Variants in CYFIP1 observed in about 807,000 individuals in gnomAD.
The protein encoded by CYFIP1 is cytoplasmic FMR1-interacting protein 1.
A neutral mutation model predicts 163.5 loss-of-function variants in CYFIP1; 58 were observed. The observed-to-expected ratio is 0.35, with a 90% CI of 0.29 to 0.44. CYFIP1 has a LOEUF of 0.44. CYFIP1 is among the 20% of genes least tolerant of loss of function. The pLI is 1.00. For synonymous variants in CYFIP1, 663 were observed against 660.7 expected, an observed-to-expected ratio of 1.00 and a Z score of -0.05; for missense variants, 1,338 against 1,653.8, an observed-to-expected ratio of 0.81 and a Z score of 3.31.
chr15:22,894,607 C>T (rs1487042376), intron 22 of CYFIP1, among the ~76,000 whole-genome samples: 3 of 151,680 alleles, frequency 2.0e-5, no homozygotes, highest in Admixed American at 2.0e-4. Context: ...GGCTTTACTA[C>T]TATGTCTGCT....
intron 1 of CYFIP1, among the ~76,000 whole-genome samples, chr15:22,949,228 C>A (rs552786417): frequency 6.6e-6 from 1 of 151,414 alleles, no homozygotes; most frequent in Non-Finnish European, 1.5e-5. Context: ...GGATTCCCCC[C>A]GGGGACCAGG....
chr15:22,971,398 C>T (rs113851342), intron 1 of CYFIP1, among the ~76,000 whole-genome samples: 162 of 152,124 alleles, frequency 1.1e-3, no homozygotes, highest in African/African-American at 3.8e-3. Context: ...TAAGGCTGGG[C>T]GTGATGGCTC....
At chr15:22,930,220 A>C (rs28667366) in intron 11 of CYFIP1, among the ~76,000 whole-genome samples, 50,991 of 150,252 alleles carry the variant, frequency 0.34, 9,258 homozygotes, top group East Asian at 0.48. Flanking sequence ...ACAAAAAAAA[A>C]CACAAAAAAA....
intron 6 of CYFIP1, 101 bp from the exon 7 acceptor site, chr15:22,939,608 C>T: frequency 1.1e-6 from 1 of 916,378 alleles, no homozygotes; most frequent in Non-Finnish European, 1.6e-6. Context: ...ATCCCTTTCC[C>T]CTACAGTCAT....
chr15:22,878,535 C>G (rs1486226450), intron 26 of CYFIP1, among the ~76,000 whole-genome samples: 1 of 151,850 alleles, frequency 6.6e-6, no homozygotes, highest in Admixed American at 6.6e-5. Flanking sequence ...AAGACCAACT[C>G]CAGAAGGATT....
intron 16 of CYFIP1, 100 bp from the exon 17 acceptor site, chr15:22,914,982 C>T (rs1411366915): frequency 1.7e-5 from 22 of 1,278,076 alleles, no homozygotes; most frequent in Middle Eastern, 2.3e-4. Context: ...TGCTCCTCCT[C>T]GCTCAGCCCC....
At chr15:22,950,548 C>T (rs1396838589) in intron 1 of CYFIP1, among the ~76,000 whole-genome samples, 1 of 152,228 alleles carries the variant, frequency 6.6e-6, no homozygotes, top group Non-Finnish European at 1.5e-5. Flanking sequence ...CTCAGTTTCA[C>T]TTTCCACGAT....
intron 23 of CYFIP1, among the ~76,000 whole-genome samples, chr15:22,886,126 T>C (rs1010024211): frequency 6.6e-6 from 1 of 152,138 alleles, no homozygotes; most frequent in African/African-American, 2.4e-5. Context: ...GAACCCCTTA[T>C]AAAACCATCA....
At chr15:22,914,915 C>G in intron 16 of CYFIP1, 33 bp from the exon 17 acceptor site, 1 of 1,574,836 alleles carries the variant, frequency 6.3e-7, no homozygotes, top group Non-Finnish European at 8.6e-7. Flanking sequence ...ATGTTATCTC[C>G]CGCAAGCAAA....
intron 1 of CYFIP1, among the ~76,000 whole-genome samples, chr15:22,956,749 C>A (rs547249214): frequency 6.6e-6 from 1 of 152,308 alleles, no homozygotes; most frequent in East Asian, 1.9e-4. Context: ...AGTGTGCATG[C>A]GGCCACTCTG....
intron 7 of CYFIP1, 24 bp downstream of exon 7, chr15:22,939,387 T>C (rs756396915): frequency 6.8e-6 from 11 of 1,613,972 alleles, no homozygotes; most frequent in Non-Finnish European, 9.3e-6. Context: ...CCCATCAACC[T>C]GAGTGTGCAA....
intron 1 of CYFIP1, among the ~76,000 whole-genome samples, chr15:22,953,891 T>C (rs536363582): frequency 6.6e-6 from 1 of 151,890 alleles, no homozygotes; most frequent in Non-Finnish European, 1.5e-5. Context: ...CCGTCTCTAT[T>C]AAAAATACAA....
chr15:22,869,986 GA>G lies in CYFIP1; in HGVS notation c.*41del. On this transcript the variant is annotated 3_prime_UTR_variant, in exon 31 of 31. Transcript: ENST00000617928. The stretch of plus-strand genomic sequence containing the variant: ...AATCTCACTAAATAGTTTACGGAGA[GA>G]AAGGCATGCCATGTTGAGTTACGGA... 6.6e-7 allele frequency: 1 copy of G among 1,520,536 alleles called. No individual in the cohort carries two copies. Among genetic ancestry groups the G allele is most frequent in the Non-Finnish European group, 8.8e-7 (1 of 1,137,784 alleles). 94.2% of individuals were successfully genotyped at this position (1,520,536 alleles called of 1,614,324 possible). A position where few individuals can be genotyped will look rare whatever the true frequency, so the allele number is the denominator to read the frequency against.
At chr15:22,962,768 T>A (rs1460576086) in intron 1 of CYFIP1, among the ~76,000 whole-genome samples, 3 of 152,146 alleles carry the variant, frequency 2.0e-5, no homozygotes, top group Admixed American at 1.3e-4. Context: ...ATATCATCTA[T>A]ATATAGTCAC....
At chr15:22,946,724 G>A (rs867349840) in intron 3 of CYFIP1, 87 of 607,674 alleles carry the variant, frequency 1.4e-4, no homozygotes, top group Middle Eastern at 2.6e-4. Flanking sequence ...GTGTGTGGGT[G>A]CAGATCTGGA....
chr15:22,918,941 C>G (rs1566972229), intron 13 of CYFIP1, 83 bp from the exon 14 acceptor site: 2 of 1,127,646 alleles, frequency 1.8e-6, no homozygotes, highest in Admixed American at 4.7e-5. Context: ...GGGGGCTGCT[C>G]CTCCTCGCCC....
intron 13 of CYFIP1, among the ~76,000 whole-genome samples, chr15:22,920,742 T>C (rs1487502570): frequency 6.6e-6 from 1 of 152,224 alleles, no homozygotes; most frequent in Non-Finnish European, 1.5e-5. Flanking sequence ...GCCATCTCTG[T>C]GATGGCGCCG....
At chr15:22,927,075 G>A (rs1020142585) in intron 12 of CYFIP1, among the ~76,000 whole-genome samples, 9 of 152,084 alleles carry the variant, frequency 5.9e-5, no homozygotes, top group South Asian at 2.1e-4. Flanking sequence ...AGTGGCTCAC[G>A]CCTGTAATCC....
In CYFIP1 at chr15:22,867,797, C is replaced by T. The variant is rs2059222489; in HGVS notation, c.*2231G>A. Reference sequence around the variant, plus strand: ...GAATATGGTCTCTTTGTACCAAGTACTTTGCTTAAGAGCTCCTTTGGGCCA... The same window carrying T: ...GAATATGGTCTCTTTGTACCAAGTATTTTGCTTAAGAGCTCCTTTGGGCCA... On this transcript the variant is annotated 3_prime_UTR_variant, in exon 31 of 31. Coordinates refer to ENST00000617928, the MANE Select transcript of CYFIP1 (RefSeq NM_014608.6). 1.3e-5 allele frequency: 2 copies of T among 152,220 alleles called. No individual in the cohort carries two copies. Among genetic ancestry groups the T allele is most frequent in the South Asian group, 2.1e-4 (1 of 4,828 alleles). The allele number at this position is 152,220 out of a possible 1,614,324, so 9.4% of individuals were successfully genotyped here.
Sources: gnomAD v4.1 joint callset for allele counts (sites outside exome capture counted in the v4.1 genomes callset) on GRCh38, gnomAD v4.1.1 for gene constraint, MANE v1.5 for transcripts, NCBI Gene and HGNC (gene_info 2026-07-23, HGNC 2026-07-21) for gene names.